The following PTPRR variants were observed in gnomAD, a reference collection of about 807,000 sequenced individuals.
The protein encoded by PTPRR is protein tyrosine phosphatase receptor type R.
Under a neutral mutation model 77.2 loss-of-function variants are expected in PTPRR, and 38 were observed. The ratio of observed to expected loss-of-function variants is 0.49; its 90% CI spans 0.38 to 0.65. The LOEUF (loss-of-function observed/expected upper bound fraction) is 0.65, where lower values mean the gene tolerates loss of function less well. Among genes scored for constraint, PTPRR ranks in the 30% least tolerant of loss-of-function variants. The probability of loss-of-function intolerance (pLI) is 0.00; values close to 1 mark genes in which losing one functional copy is unlikely to be tolerated. For missense variants in PTPRR, 744 were observed against 799.2 expected (o/e 0.93, Z 0.83); for synonymous variants, 299 against 283.1 (o/e 1.06, Z -0.57).
chr12:70,710,614 G>C (rs1888790425), intron 6 of PTPRR, among the ~76,000 whole-genome samples: 1 of 152,094 alleles, frequency 6.6e-6, no homozygotes, highest in Non-Finnish European at 1.5e-5. Context: ...GAGTATAACA[G>C]ACAACCTACA....
Position 70,638,798 on chromosome 12 carries a change from A to G in PTPRR, c.*386T>C, listed in dbSNP as rs1470598343. On this transcript the variant is annotated 3_prime_UTR_variant, in exon 14 of 14. Coordinates refer to ENST00000283228, the MANE Select transcript of PTPRR (RefSeq NM_002849.4). ...AGACAGATTTTGCAAACATTAAAGC[A>G]TCTAACACATAATACGAATGTCTTC... 1 of 163,552 alleles carries G rather than the reference A, an allele frequency of 6.1e-6. No individual in the cohort carries two copies. The highest frequency in any genetic ancestry group is 2.4e-5 in the African/African-American group (1 of 41,812). The allele number at this position is 163,552 out of a possible 1,614,324, so 10.1% of individuals were successfully genotyped here.
At chr12:70,783,463 A>G (rs941993827) in intron 2 of PTPRR, among the ~76,000 whole-genome samples, 4 of 151,840 alleles carry the variant, frequency 2.6e-5, no homozygotes, top group Non-Finnish European at 5.9e-5. Context: ...CTGTCCTCCT[A>G]CTTTCAGCAG....
chr12:70,654,564 T>G (rs1486173457), intron 13 of PTPRR, among the ~76,000 whole-genome samples: 1 of 152,182 alleles, frequency 6.6e-6, no homozygotes, highest in Non-Finnish European at 1.5e-5. Context: ...AGTGTATAAT[T>G]TTATCTTTTT....
At chr12:70,915,469 A>G (rs1893761512) in intron 1 of PTPRR, among the ~76,000 whole-genome samples, 1 of 152,210 alleles carries the variant, frequency 6.6e-6, no homozygotes, top group South Asian at 2.1e-4. Context: ...CTTAAGTACC[A>G]AAGAAGCAAA....
intron 2 of PTPRR, among the ~76,000 whole-genome samples, chr12:70,875,024 A>G (rs981852810): frequency 6.6e-6 from 1 of 151,956 alleles, no homozygotes; most frequent in African/African-American, 2.4e-5. Flanking sequence ...ATCTTTTTAT[A>G]ACATTATTCA....
chr12:70,855,658 A>G (rs1219558774), intron 2 of PTPRR, among the ~76,000 whole-genome samples: 1 of 152,208 alleles, frequency 6.6e-6, no homozygotes, highest in Non-Finnish European at 1.5e-5. Context: ...ATATAAAAAG[A>G]TGATCATTTT....
chr12:70,744,120 G>C (rs1369238150), intron 6 of PTPRR, among the ~76,000 whole-genome samples: 1 of 152,088 alleles, frequency 6.6e-6, no homozygotes, highest in African/African-American at 2.4e-5. Context: ...CAAAAATAAT[G>C]TGGATGACCA....
chr12:70,838,464 C>T (rs566161301), intron 2 of PTPRR, among the ~76,000 whole-genome samples: 1 of 152,150 alleles, frequency 6.6e-6, no homozygotes, highest in Admixed American at 6.5e-5. Flanking sequence ...AAGCTCTTGT[C>T]TGCTGTCAGC....
At chr12:70,700,139 T>C (rs1168182445) in intron 7 of PTPRR, among the ~76,000 whole-genome samples, 1 of 152,226 alleles carries the variant, frequency 6.6e-6, no homozygotes, top group East Asian at 1.9e-4. Context: ...TGTATTTTAC[T>C]TTGGACACTT....
intron 2 of PTPRR, among the ~76,000 whole-genome samples, chr12:70,836,941 C>T (rs1226369222): frequency 6.6e-6 from 1 of 151,824 alleles, no homozygotes; most frequent in Non-Finnish European, 1.5e-5. Flanking sequence ...GCTGATTATA[C>T]ATGTAATATA....
rs115514195 is a variant in PTPRR, at chr12:70,780,895, C to A, written c.358-16117G>T. Among the ~76,000 whole-genome samples, 404 of 152,260 alleles carry A rather than the reference C, an allele frequency of 2.7e-3. 2 individuals are homozygous for A. The highest frequency in any genetic ancestry group is 9.6e-3 in the African/African-American group (399 of 41,550). On this transcript the variant is annotated intron_variant, in intron 2 of 13. Coordinates refer to ENST00000283228, the MANE Select transcript of PTPRR (RefSeq NM_002849.4). ...GTCTGTGCTTTCCTTTAGGATTCTG[C>A]CTACCTGTAAAGACCATATAATCTG...
rs1197643116 is a variant in PTPRR, at chr12:70,767,222, A to G, written c.358-2444T>C. Among the ~76,000 whole-genome samples the G allele has an allele frequency of 4.6e-5, 7 of 152,264 alleles. No homozygotes were observed. The East Asian group carries it at 1.4e-3, about 29-fold the overall frequency. ...CCAGTTAAAAGACACAGACTGGCAAATTGGATAAAGAGTCAAGACCCATCA... is the reference window on the plus strand; with the variant it reads ...CCAGTTAAAAGACACAGACTGGCAAGTTGGATAAAGAGTCAAGACCCATCA... On this transcript the variant is annotated intron_variant, in intron 2 of 13. Coordinates refer to ENST00000283228, the MANE Select transcript of PTPRR (RefSeq NM_002849.4).
At chr12:70,709,595 G>T (rs1888748010) in intron 6 of PTPRR, among the ~76,000 whole-genome samples, 1 of 152,100 alleles carries the variant, frequency 6.6e-6, no homozygotes, top group African/African-American at 2.4e-5. Flanking sequence ...CAGAGTTTCA[G>T]CCCAGAAGCT....
chr12:70,859,169 G>T (rs755386546), intron 2 of PTPRR, among the ~76,000 whole-genome samples: 9 of 151,924 alleles, frequency 5.9e-5, no homozygotes, highest in Admixed American at 6.6e-5. Context: ...GAAATAAACA[G>T]ATGAATGACT....
At chr12:70,706,744 T>C (rs1338748278) in intron 6 of PTPRR, among the ~76,000 whole-genome samples, 2 of 152,078 alleles carry the variant, frequency 1.3e-5, no homozygotes, top group South Asian at 4.1e-4. Flanking sequence ...ATTGAACTTG[T>C]CACATTACTC....
At chr12:70,731,721 T>A (rs940275323) in intron 6 of PTPRR, among the ~76,000 whole-genome samples, 17 of 152,196 alleles carry the variant, frequency 1.1e-4, no homozygotes, top group African/African-American at 4.1e-4. Context: ...AGAGCTGAAA[T>A]AGACGAATAT....
At chr12:70,762,288 C>T (rs1160060165) in intron 3 of PTPRR, among the ~76,000 whole-genome samples, 1 of 150,658 alleles carries the variant, frequency 6.6e-6, no homozygotes. Flanking sequence ...ATATCCTACA[C>T]ACACATACAC....
At chr12:70,750,129 T>C (rs1890342454) in intron 5 of PTPRR, among the ~76,000 whole-genome samples, 1 of 152,214 alleles carries the variant, frequency 6.6e-6, no homozygotes, top group Non-Finnish European at 1.5e-5. Flanking sequence ...ATGTCATGCC[T>C]GTCTAATTTT....
intron 2 of PTPRR, among the ~76,000 whole-genome samples, chr12:70,778,640 C>T (rs923399192): frequency 1.3e-5 from 2 of 152,168 alleles, no homozygotes; most frequent in South Asian, 4.1e-4. Flanking sequence ...TATGTTTTTT[C>T]AGCAGAATCT....
Sources: allele counts gnomAD v4.1 joint callset (sites outside exome capture counted in the v4.1 genomes callset), GRCh38; gene constraint gnomAD v4.1.1; transcripts MANE v1.5; gene names NCBI Gene and HGNC (gene_info 2026-07-23, HGNC 2026-07-21).